FOXK2: variants seen among roughly 807,000 people sequenced by gnomAD.
FOXK2 encodes the protein forkhead box K2, also known as forkhead box protein K2.
FOXK2 carries 24 observed loss-of-function variants against 53.3 expected under a neutral mutation model. The observed-to-expected ratio is 0.45, with a 90% CI of 0.33 to 0.63. The LOEUF is 0.63. FOXK2 is among the 30% of genes least tolerant of loss of function. The probability of loss-of-function intolerance (pLI) is 0.03; values close to 1 mark genes in which losing one functional copy is unlikely to be tolerated. For synonymous variants in FOXK2, 505 were observed against 407.1 expected (o/e 1.24, Z -2.89); for missense variants, 952 against 910.5 (o/e 1.05, Z -0.59).
At position 82,586,232 on chromosome 17, in the gene FOXK2, CCACAGGGAGGTGAAAGGTGGGCCG is replaced by C. The variant is rs749340484; in HGVS notation, c.1576+33_1576+56del. 9.1e-5 allele frequency: 112 copies of C among 1,224,558 alleles called. 1 individual carries two copies. In the East Asian group the frequency reaches 3.1e-3, roughly 34 times the overall value. 75.9% of individuals were successfully genotyped at this position (1,224,558 alleles called of 1,614,324 possible). A position where few individuals can be genotyped will look rare whatever the true frequency, so the allele number is the denominator to read the frequency against. ...GGAGGGGAAAGGAGGAGAGGGGAGACCACAGGGAGGTGAAAGGTGGGCCGGGGGGGGAAAGGAGGAGAGGGGAGA... is the reference window on the plus strand; with the variant it reads ...GGAGGGGAAAGGAGGAGAGGGGAGACGGGGGGGAAAGGAGGAGAGGGGAGA... On this transcript the variant is annotated intron_variant, in intron 7 of 8. Transcript: ENST00000335255.
chr17:82,561,658 G>A (rs2044794875), intron 1 of FOXK2, among the ~76,000 whole-genome samples: 2 of 148,788 alleles, frequency 1.3e-5, no homozygotes, highest in Admixed American at 1.3e-4. Flanking sequence ...GGAGGCAGCG[G>A]CAGCACGGCA....
At chr17:82,542,144 A>G (rs1250623533) in intron 1 of FOXK2, among the ~76,000 whole-genome samples, 1 of 142,284 alleles carries the variant, frequency 7.0e-6, no homozygotes, top group Admixed American at 7.1e-5. Context: ...GCCTCCCTCC[A>G]CAAATTTTTT....
chr17:82,572,715 T>C (rs908642657), intron 4 of FOXK2, among the ~76,000 whole-genome samples: 10 of 152,192 alleles, frequency 6.6e-5, no homozygotes, highest in African/African-American at 1.9e-4. Flanking sequence ...TTTTAATTCA[T>C]TAAGTAACCA....
chr17:82,600,837 G>A lies in FOXK2; in HGVS notation c.1787-466G>A, dbSNP rs2045374582. ...TGTGGAAATGGTCCAGGAGCATCTT[G>A]TGCGGGTGGTGGGGGGGCGAGGGCA... On this transcript the variant is annotated intron_variant, in intron 8 of 8. Transcript: ENST00000335255. 3 of 74,332 alleles carry A rather than the reference G, an allele frequency of 4.0e-5. No individual in the cohort carries two copies. In the South Asian group the frequency reaches 8.0e-4, roughly 20 times the overall value. The allele number at this position is 74,332 out of a possible 1,614,324, so 4.6% of individuals were successfully genotyped here.
intron 1 of FOXK2, among the ~76,000 whole-genome samples, chr17:82,523,798 T>A (rs1251967837): frequency 6.6e-6 from 1 of 151,922 alleles, no homozygotes; most frequent in Non-Finnish European, 1.5e-5. Context: ...TTTTCTGAAT[T>A]TAAGCTCAGT....
rs143493738 is a variant in FOXK2 at position 82,546,991 on chromosome 17, C to T, written c.420-16363C>T. On this transcript the variant is annotated intron_variant, in intron 1 of 8. Coordinates refer to ENST00000335255, the MANE Select transcript of FOXK2 (RefSeq NM_004514.4). ...ACTCTGGAGGCTGAGGTGGGAGAAT[C>T]ACTTGAACCCGGGAGGTGGAGGTCA... Among the ~76,000 whole-genome samples, 815 of 150,858 alleles carry T rather than the reference C, an allele frequency of 5.4e-3. 7 individuals are homozygous for T. Among genetic ancestry groups the T allele is most frequent in the Middle Eastern group, 0.02 (6 of 294 alleles).
At chr17:82,569,082 T>G (rs2044884937) in intron 3 of FOXK2, among the ~76,000 whole-genome samples, 1 of 152,202 alleles carries the variant, frequency 6.6e-6, no homozygotes, top group Admixed American at 6.5e-5. Flanking sequence ...TAGGATATTG[T>G]GCTTCCACTT....
intron 4 of FOXK2, among the ~76,000 whole-genome samples, chr17:82,580,098 C>G (rs1365896931): frequency 5.1e-5 from 6 of 117,502 alleles, no homozygotes; most frequent in East Asian, 2.9e-4. Context: ...CCATGTCACC[C>G]GTGAAGTAGC....
chr17:82,587,450 A>T (rs1032274117), intron 8 of FOXK2, 178 bp downstream of exon 8: 11 of 631,152 alleles, frequency 1.7e-5, no homozygotes, highest in African/African-American at 3.6e-5. Flanking sequence ...GTCGGCCGTC[A>T]TGGGATTCCC....
chr17:82,526,543 A>T (rs1290889388), intron 1 of FOXK2, among the ~76,000 whole-genome samples: 1 of 151,924 alleles, frequency 6.6e-6, no homozygotes, highest in Non-Finnish European at 1.5e-5. Context: ...AAGAAATGGG[A>T]GTTGAGGCTG....
chr17:82,563,781 T>G (rs1469691171), intron 2 of FOXK2, among the ~76,000 whole-genome samples: 2 of 147,926 alleles, frequency 1.4e-5, no homozygotes, highest in African/African-American at 5.1e-5. Flanking sequence ...AGAAGGAGTC[T>G]CTGTCTGTTG....
chr17:82,587,357 T>C, intron 8 of FOXK2, 85 bp downstream of exon 8: 2 of 1,050,968 alleles, frequency 1.9e-6, no homozygotes, highest in Non-Finnish European at 2.9e-6. Context: ...GTTCTGACTG[T>C]AACAATTTTA....
In FOXK2 at chr17:82,534,074, C is replaced by CAAAAA. The variant is rs781376612; in HGVS notation, c.419+13778_419+13782dup. On this transcript the variant is annotated intron_variant, in intron 1 of 8. Coordinates refer to ENST00000335255, the MANE Select transcript of FOXK2 (RefSeq NM_004514.4). Reference sequence around the variant, plus strand: ...GTCCCAACTGAGTAAGACACTGTCTCAAAAAAAAAAAAAAAGAGAAAAATA... The same window carrying CAAAAA: ...GTCCCAACTGAGTAAGACACTGTCTCAAAAAAAAAAAAAAAAAAAAGAGAAAAATA... Among the ~76,000 whole-genome samples the CAAAAA allele has an allele frequency of 5.0e-3, 640 of 127,276 alleles. 2 individuals carry two copies. Among genetic ancestry groups the CAAAAA allele is most frequent in the African/African-American group, 0.017 (606 of 34,812 alleles). 83.5% of individuals were successfully genotyped at this position (127,276 alleles called of 152,430 possible). A position where few individuals can be genotyped will look rare whatever the true frequency, so the allele number is the denominator to read the frequency against.
Position 82,587,154 on chromosome 17 carries a change from G to C in FOXK2, c.1668G>C (p.Thr556=), listed in dbSNP as rs35974241. ...IQTAQTTPVQ[T]VTIVQQAPLG... ...CGGCACAGACCACCCCGGTCCAGAC[G>C]GTGACCATAGTACAACAGGCACCTC... The change falls in exon 8 of 9, where the codon ACG becomes ACC. Residue 556 remains threonine, a synonymous_variant. Coordinates refer to ENST00000335255, the MANE Select transcript of FOXK2 (RefSeq NM_004514.4). The C allele has an allele frequency of 1.2e-5, 19 of 1,612,874 alleles. No individual in the cohort carries two copies. In the African/African-American group the frequency reaches 1.5e-4, roughly 12 times the overall value.
chr17:82,563,847 G>T (rs2044824948), intron 2 of FOXK2, among the ~76,000 whole-genome samples: 1 of 149,964 alleles, frequency 6.7e-6, no homozygotes, highest in Non-Finnish European at 1.5e-5. Flanking sequence ...TGCCTCCCAG[G>T]TTCAAGCGAT....
At chr17:82,543,218 T>G (rs948871275) in intron 1 of FOXK2, among the ~76,000 whole-genome samples, 26 of 152,226 alleles carry the variant, frequency 1.7e-4, no homozygotes, top group Admixed American at 6.5e-5. Context: ...AAACTGGACA[T>G]GCTATCAGAA....
intron 2 of FOXK2, among the ~76,000 whole-genome samples, chr17:82,567,660 CT>C (rs1415133611): frequency 1.3e-5 from 2 of 152,202 alleles, no homozygotes; most frequent in East Asian, 1.9e-4. Context: ...TCTGTGCCCC[CT>C]GTCACAGCTC....
At chr17:82,586,973 G>A (rs1183494464) in intron 7 of FOXK2, 90 bp from the exon 8 acceptor site, 6 of 1,154,878 alleles carry the variant, frequency 5.2e-6, no homozygotes, top group Non-Finnish European at 7.8e-6. Context: ...TAGCAGGTGT[G>A]ATAGCTATCT....
At chr17:82,529,570 T>G (rs921436463) in intron 1 of FOXK2, among the ~76,000 whole-genome samples, 6 of 152,168 alleles carry the variant, frequency 3.9e-5, no homozygotes, top group Non-Finnish European at 7.4e-5. Context: ...GTATTTTTAA[T>G]AGACAGGGTT....
Sources: allele counts gnomAD v4.1 joint callset (sites outside exome capture counted in the v4.1 genomes callset), GRCh38; gene constraint gnomAD v4.1.1; transcripts MANE v1.5; gene names NCBI Gene and HGNC (gene_info 2026-07-23, HGNC 2026-07-21).